FOXP1: variants seen among roughly 807,000 people sequenced by gnomAD.
The protein encoded by FOXP1 is forkhead box protein P1.
A neutral mutation model predicts 98.2 loss-of-function variants in FOXP1; 15 were observed. The ratio of observed to expected loss-of-function variants is 0.15; its 90% CI spans 0.10 to 0.24. The LOEUF (loss-of-function observed/expected upper bound fraction) is 0.24. FOXP1 is among the 10% of genes least tolerant of loss of function. The probability of loss-of-function intolerance (pLI) is 1.00; values close to 1 mark genes in which losing one functional copy is unlikely to be tolerated. For missense variants in FOXP1, 633 were observed against 848.5 expected (o/e 0.75, Z 3.15); for synonymous variants, 371 against 314.5 (o/e 1.18, Z -1.90).
At chr3:71,266,469 C>T (rs904596483) in intron 5 of FOXP1, among the ~76,000 whole-genome samples, 1 of 152,132 alleles carries the variant, frequency 6.6e-6, no homozygotes, top group Admixed American at 6.6e-5. Flanking sequence ...CCAGGCTGGT[C>T]TTGAACTCCT....
chr3:71,262,735 G>A (rs1013467448), intron 5 of FOXP1, among the ~76,000 whole-genome samples: 2 of 152,176 alleles, frequency 1.3e-5, no homozygotes, highest in African/African-American at 4.8e-5. Context: ...TTCCACTGGG[G>A]CTCTGCTAAT....
intron 3 of FOXP1, among the ~76,000 whole-genome samples, chr3:71,361,654 C>G (rs987631375): frequency 6.6e-6 from 1 of 152,176 alleles, no homozygotes; most frequent in Admixed American, 6.5e-5. Context: ...GATGGCGGGG[C>G]ACACTAATGA....
At chr3:71,005,493 G>A (rs1274735049) in intron 12 of FOXP1, among the ~76,000 whole-genome samples, 1 of 151,672 alleles carries the variant, frequency 6.6e-6, no homozygotes, top group Admixed American at 6.6e-5. Context: ...TTAAATCTGA[G>A]GATTAATATA....
chr3:71,476,757 G>A (rs1346973276), intron 3 of FOXP1, among the ~76,000 whole-genome samples: 8 of 151,588 alleles, frequency 5.3e-5, no homozygotes, highest in African/African-American at 1.9e-4. Context: ...GCCCACCTTG[G>A]CCTCCCAAAG....
chr3:71,069,370 G>A (rs1455185762), intron 7 of FOXP1, among the ~76,000 whole-genome samples: 1 of 152,148 alleles, frequency 6.6e-6, no homozygotes, highest in African/African-American at 2.4e-5. Flanking sequence ...ATAAGCATCA[G>A]AGGTAAACAA....
At chr3:71,527,552 C>T (rs1313569063) in intron 2 of FOXP1, among the ~76,000 whole-genome samples, 1 of 152,236 alleles carries the variant, frequency 6.6e-6, no homozygotes, top group Non-Finnish European at 1.5e-5. Flanking sequence ...CACAAATGCT[C>T]AAGGTCTACA....
intron 14 of FOXP1, among the ~76,000 whole-genome samples, chr3:70,980,449 C>T (rs143950971): frequency 5.9e-5 from 9 of 152,328 alleles, no homozygotes; most frequent in African/African-American, 1.7e-4. Flanking sequence ...CTTCAATTCT[C>T]ATACCACCAC....
chr3:71,520,601 AG>A (rs2042906877), intron 2 of FOXP1, among the ~76,000 whole-genome samples: 2 of 152,244 alleles, frequency 1.3e-5, no homozygotes, highest in African/African-American at 4.8e-5. Flanking sequence ...TAAAAATGTC[AG>A]CGTGAGACTG....
chr3:71,572,098 C>G (rs2047384193), intron 2 of FOXP1: 1 of 152,284 alleles, frequency 6.6e-6, no homozygotes, highest in East Asian at 1.9e-4. Flanking sequence ...TTAAACATGG[C>G]TTTTTAACTC....
At chr3:71,365,514 T>G (rs148335078) in intron 3 of FOXP1, among the ~76,000 whole-genome samples, 1,885 of 150,278 alleles carry the variant, frequency 0.013, 43 homozygotes, top group African/African-American at 0.044. Context: ...TGTGTTAAGA[T>G]AGTGTAGGTA....
At chr3:71,397,732 A>C (rs929707508) in intron 3 of FOXP1, among the ~76,000 whole-genome samples, 2 of 152,226 alleles carry the variant, frequency 1.3e-5, no homozygotes, top group Non-Finnish European at 2.9e-5. Context: ...GATTTCACAG[A>C]GTTAATCTAG....
intron 3 of FOXP1, among the ~76,000 whole-genome samples, chr3:71,367,689 T>C (rs750961386): frequency 2.0e-5 from 3 of 152,174 alleles, no homozygotes; most frequent in African/African-American, 7.2e-5. Flanking sequence ...CCACCGAATA[T>C]ATCATGGATC....
intron 3 of FOXP1, among the ~76,000 whole-genome samples, chr3:71,421,474 T>C (rs1199048582): frequency 6.6e-6 from 1 of 152,206 alleles, no homozygotes; most frequent in Non-Finnish European, 1.5e-5. Flanking sequence ...CGCTTGTGTT[T>C]CCTAAATAAT....
At chr3:71,325,660 A>C (rs1241102832) in intron 4 of FOXP1, among the ~76,000 whole-genome samples, 1 of 151,030 alleles carries the variant, frequency 6.6e-6, no homozygotes, top group African/African-American at 2.4e-5. Flanking sequence ...TATTATTATT[A>C]TTATTATTAT....
At chr3:71,046,792 G>A in intron 10 of FOXP1, 150 bp downstream of exon 10, 1 of 962,132 alleles carries the variant, frequency 1.0e-6, no homozygotes, top group Non-Finnish European at 1.7e-6. Flanking sequence ...CCTTCTACAT[G>A]GGTCCATCAT....
chr3:71,063,409 T>C (rs2100142), intron 7 of FOXP1, among the ~76,000 whole-genome samples: 25,258 of 152,252 alleles, frequency 0.17, 2,626 homozygotes, highest in East Asian at 0.51. Context: ...AATCTTAATG[T>C]GATCATGTTC....
At chr3:71,292,098 G>C (rs1379695583) in intron 5 of FOXP1, among the ~76,000 whole-genome samples, 3 of 151,966 alleles carry the variant, frequency 2.0e-5, no homozygotes, top group Non-Finnish European at 4.4e-5. Context: ...GAAAATGACT[G>C]GTCTAAATAA....
rs1262270338 is a variant in FOXP1 at position 71,112,765 on chromosome 3, A to C, written c.181-128T>G. On this transcript the variant is annotated intron_variant, in intron 6 of 20. Transcript: ENST00000649528. ...TTTCCTATTTCCTGGCAAATGAAACAGCAAATGAAACTTCCCACCAGTCTT... is the reference window on the plus strand; with the variant it reads ...TTTCCTATTTCCTGGCAAATGAAACCGCAAATGAAACTTCCCACCAGTCTT... 4.2e-6 allele frequency: 3 copies of C among 712,272 alleles called. No individual in the cohort carries two copies. In the East Asian group the frequency reaches 7.8e-5, roughly 18 times the overall value. 44.1% of individuals were successfully genotyped at this position (712,272 alleles called of 1,614,324 possible). A position where few individuals can be genotyped will look rare whatever the true frequency, so the allele number is the denominator to read the frequency against.
rs1034788600 is a variant in FOXP1 at position 71,192,332 on chromosome 3, A to G, written c.180+5870T>C. Among the ~76,000 whole-genome samples the G allele has an allele frequency of 3.3e-5, 5 of 152,194 alleles. No individual in the cohort carries two copies. The East Asian group carries it at 5.8e-4, about 18-fold the overall frequency. ...TACCATATAACCTGCGTCATTTCCC[A>G]TAAGGTATGAAACAAGGCCAGGAAT... On this transcript the variant is annotated intron_variant, in intron 6 of 20. Coordinates refer to ENST00000649528, the MANE Select transcript of FOXP1 (RefSeq NM_001349338.3).
Sources: gnomAD v4.1 joint callset for allele counts (sites outside exome capture counted in the v4.1 genomes callset) on GRCh38, gnomAD v4.1.1 for gene constraint, MANE v1.5 for transcripts, NCBI Gene and HGNC (gene_info 2026-07-23, HGNC 2026-07-21) for gene names.